The following ABTB3 variants were observed in gnomAD, a reference collection of about 807,000 sequenced individuals.
The protein encoded by ABTB3 is ankyrin repeat and BTB domain containing 3.
the ABTB3 span, among the ~76,000 whole-genome samples, chr12:107,507,418 G>A: frequency 1.3e-5 from 2 of 152,108 alleles, no homozygotes; most frequent in Admixed American, 6.5e-5. Context: ...CTGGCAGCCC[G>A]AGCAGAAAGT....
the ABTB3 span, chr12:107,657,601 C>G: frequency 3.1e-6 from 5 of 1,614,226 alleles, no homozygotes; most frequent in African/African-American, 4.0e-5. Context: ...TCAAGCAGCT[C>G]CTGTATGACA....
chr12:107,458,016 C>G, the ABTB3 span, among the ~76,000 whole-genome samples: 1 of 152,172 alleles, frequency 6.6e-6, no homozygotes, highest in Non-Finnish European at 1.5e-5. Context: ...TAAATTAAAT[C>G]TTAAATGGGT....
At chr12:107,613,835 G>A in the ABTB3 span, among the ~76,000 whole-genome samples, 1 of 152,128 alleles carries the variant, frequency 6.6e-6, no homozygotes, top group African/African-American at 2.4e-5. Flanking sequence ...TTCAAAATTA[G>A]ATGCCCGTGC....
At chr12:107,388,100 G>A in the ABTB3 span, among the ~76,000 whole-genome samples, 4 of 151,518 alleles carry the variant, frequency 2.6e-5, no homozygotes, top group African/African-American at 7.3e-5. Context: ...AGCCTTCCGA[G>A]TAGCTGGGAT....
At chr12:107,400,759 C>A in the ABTB3 span, among the ~76,000 whole-genome samples, 1 of 152,012 alleles carries the variant, frequency 6.6e-6, no homozygotes, top group Non-Finnish European at 1.5e-5. Flanking sequence ...AAGAGTGCTA[C>A]CTGAGTGAAG....
At chr12:107,401,133 G>A in the ABTB3 span, among the ~76,000 whole-genome samples, 1 of 152,210 alleles carries the variant, frequency 6.6e-6, no homozygotes, top group Non-Finnish European at 1.5e-5. Context: ...TGAGGTGGCT[G>A]TCTGTACCAT....
chr12:107,387,080 T>G, the ABTB3 span, among the ~76,000 whole-genome samples: 4 of 151,386 alleles, frequency 2.6e-5, no homozygotes, highest in Non-Finnish European at 5.9e-5. Flanking sequence ...TGGGTTCAAG[T>G]GATTCTCCTG....
At chr12:107,384,224 A>G in the ABTB3 span, among the ~76,000 whole-genome samples, 1 of 137,778 alleles carries the variant, frequency 7.3e-6, no homozygotes, top group Non-Finnish European at 1.6e-5. Flanking sequence ...GTAGAAACCA[A>G]TTTTACAAAT....
chr12:107,587,198 G>A, the ABTB3 span, among the ~76,000 whole-genome samples: 6 of 152,208 alleles, frequency 3.9e-5, no homozygotes, highest in African/African-American at 1.4e-4. Context: ...TTTATGCTAC[G>A]CAAAAGAACT....
At chr12:107,615,257 C>CATTCATATTGGTTAACTGCA in the ABTB3 span, 1 of 932,442 alleles carries the variant, frequency 1.1e-6, no homozygotes, top group African/African-American at 1.6e-5. Flanking sequence ...TTCTCTAAGA[C>CATTCATATTGGTTAACTGCA]ATTCATATTG....
At chr12:107,451,485 T>G in the ABTB3 span, among the ~76,000 whole-genome samples, 1 of 152,148 alleles carries the variant, frequency 6.6e-6, no homozygotes, top group Non-Finnish European at 1.5e-5. Flanking sequence ...CCCCTCTAAT[T>G]CATCCTGTGC....
the ABTB3 span, among the ~76,000 whole-genome samples, chr12:107,330,177 G>T: frequency 0.16 from 24,419 of 152,126 alleles, 2,116 homozygotes; most frequent in East Asian, 0.2. Context: ...ATGGGAGAGG[G>T]TAGGGAGGGA....
At chr12:107,632,326 G>A in the ABTB3 span, among the ~76,000 whole-genome samples, 93 of 152,320 alleles carry the variant, frequency 6.1e-4, no homozygotes, top group Non-Finnish European at 8.8e-4. Flanking sequence ...TGCTTCACTC[G>A]GAGTTGATTA....
chr12:107,576,112 C>T, the ABTB3 span, among the ~76,000 whole-genome samples: 1 of 152,172 alleles, frequency 6.6e-6, no homozygotes, highest in Non-Finnish European at 1.5e-5. Context: ...TTGAAGGAAA[C>T]AAACCAAACA....
the ABTB3 span, among the ~76,000 whole-genome samples, chr12:107,325,160 C>A: frequency 6.6e-6 from 1 of 152,138 alleles, no homozygotes; most frequent in African/African-American, 2.4e-5. Flanking sequence ...TTCAGGGATC[C>A]CCAATCACTT....
the ABTB3 span, among the ~76,000 whole-genome samples, chr12:107,592,984 G>A: frequency 6.6e-6 from 1 of 152,134 alleles, no homozygotes; most frequent in Non-Finnish European, 1.5e-5. Context: ...GCAAGTTCTG[G>A]GATATGAATA....
At chr12:107,437,541 T>C in the ABTB3 span, among the ~76,000 whole-genome samples, 1 of 151,892 alleles carries the variant, frequency 6.6e-6, no homozygotes, top group Non-Finnish European at 1.5e-5. Context: ...GGATTACAGG[T>C]GTATGCCACC....
the ABTB3 span, among the ~76,000 whole-genome samples, chr12:107,378,536 G>T: frequency 6.6e-6 from 1 of 152,284 alleles, no homozygotes; most frequent in South Asian, 2.1e-4. Context: ...GTAAGTAGGG[G>T]AGCTAGGGCT....
At chr12:107,336,540 C>T in the ABTB3 span, among the ~76,000 whole-genome samples, 17 of 152,296 alleles carry the variant, frequency 1.1e-4, no homozygotes, top group Non-Finnish European at 2.4e-4. Context: ...GACGTGACGT[C>T]TATAAGCACT....
Sources: allele counts gnomAD v4.1 joint callset (sites outside exome capture counted in the v4.1 genomes callset), GRCh38; gene constraint gnomAD v4.1.1; transcripts MANE v1.5; gene names NCBI Gene and HGNC (gene_info 2026-07-23, HGNC 2026-07-21).